The following CHD6 variants were observed in gnomAD, a reference collection of about 807,000 sequenced individuals.
CHD6 encodes ATP-dependent chromatin remodeler CHD6.
CHD6 carries 50 observed loss-of-function variants against 276.9 expected under a neutral mutation model. That is an observed-to-expected ratio of 0.18 (90% CI 0.14 to 0.23). CHD6 has a LOEUF of 0.23. Among genes scored for constraint, CHD6 ranks in the 10% least tolerant of loss-of-function variants. The pLI, the probability that CHD6 is intolerant of heterozygous loss-of-function variation, is 1.00. For synonymous variants in CHD6, 1,173 were observed against 1,229.3 expected (o/e 0.95, Z 0.96); for missense variants, 2,564 against 3,365.8 (o/e 0.76, Z 5.89).
At chr20:41,614,168 A>T (rs2045914566) in intron 1 of CHD6, among the ~76,000 whole-genome samples, 1 of 152,176 alleles carries the variant, frequency 6.6e-6, no homozygotes, top group Admixed American at 6.5e-5. Context: ...ATAAAGGGGT[A>T]AAAAAATGGA....
chr20:41,529,715 A>G (rs569865290), intron 3 of CHD6, among the ~76,000 whole-genome samples: 6 of 152,214 alleles, frequency 3.9e-5, no homozygotes, highest in African/African-American at 9.6e-5. Context: ...GGCCAGGTAT[A>G]GCGCCAGAGA....
At chr20:41,498,098 A>G (rs772690364) in intron 7 of CHD6, 70 bp downstream of exon 7, 2 of 1,055,218 alleles carry the variant, frequency 1.9e-6, no homozygotes, top group Middle Eastern at 2.1e-4. Flanking sequence ...AGAAGATAAT[A>G]AAGTCACAAG....
At chr20:41,499,481 T>G in intron 5 of CHD6, 124 bp from the exon 6 acceptor site, 1 of 709,094 alleles carries the variant, frequency 1.4e-6, no homozygotes, top group Non-Finnish European at 2.3e-6. Context: ...TACCAAGGCC[T>G]CCCATCAGGC....
Position 41,421,759 on chromosome 20 carries a change from G to A in CHD6, c.4876C>T (p.Pro1626Ser), listed in dbSNP as rs530138617. 444 of 1,614,168 alleles carry A rather than the reference G, an allele frequency of 2.8e-4. 9 individuals carry two copies. In the South Asian group the frequency reaches 4.7e-3, roughly 17 times the overall value. Residue 1626 changes from proline (P) to serine (S), a missense_variant, in exon 31 of 37, where the codon CCA becomes TCA. Pro to Ser is a moderately conservative substitution (Grantham distance 74). Transcript: ENST00000373233. ...TGGTAAAGGCAACAGAGATTTCCTG[G>A]TGCCTGGGTGCCAGATCTTTTATGC... ...AQHKRSGTQAPGNLCCLYQTN... is the reference protein window; with the variant it reads ...AQHKRSGTQASGNLCCLYQTN...
At chr20:41,461,474 G>A (rs1027942756) in intron 17 of CHD6, among the ~76,000 whole-genome samples, 4 of 152,154 alleles carry the variant, frequency 2.6e-5, no homozygotes, top group Admixed American at 1.3e-4. Context: ...CAATTCTCAC[G>A]ATAGTTAATG....
chr20:41,542,252 T>G (rs1424439844), intron 2 of CHD6, among the ~76,000 whole-genome samples: 3 of 152,182 alleles, frequency 2.0e-5, no homozygotes, highest in Non-Finnish European at 4.4e-5. Context: ...GTGGGGTGAA[T>G]AAGACTATTT....
intron 2 of CHD6, among the ~76,000 whole-genome samples, chr20:41,543,514 T>C (rs1349144182): frequency 6.6e-6 from 1 of 152,226 alleles, no homozygotes; most frequent in Non-Finnish European, 1.5e-5. Context: ...TTTCCTCTTC[T>C]ATCCATTTCT....
At chr20:41,493,237 A>G (rs2043598874) in intron 10 of CHD6, among the ~76,000 whole-genome samples, 1 of 152,176 alleles carries the variant, frequency 6.6e-6, no homozygotes, top group Non-Finnish European at 1.5e-5. Context: ...CACACCAGCC[A>G]TTACTTACAA....
intron 1 of CHD6, among the ~76,000 whole-genome samples, chr20:41,616,399 C>T (rs1043407858): frequency 3.9e-5 from 6 of 152,210 alleles, no homozygotes; most frequent in Admixed American, 6.5e-5. Flanking sequence ...TGATACCACA[C>T]TGAAGCACAA....
chr20:41,552,842 G>A (rs920563762), intron 1 of CHD6, among the ~76,000 whole-genome samples: 5 of 152,114 alleles, frequency 3.3e-5, no homozygotes, highest in Non-Finnish European at 4.4e-5. Flanking sequence ...AGGCATGATC[G>A]GGTGCTAAGG....
rs745440946 is a variant in CHD6, at chr20:41,498,157, A to T, written c.974+11T>A. On this transcript the variant is annotated intron_variant, in intron 7 of 36. Coordinates refer to ENST00000373233, the MANE Select transcript of CHD6 (RefSeq NM_032221.5). ...AAACCCAAATACAGAGAATACTTTAAATAGACGTACAAATTTCTATACTTA... is the reference window on the plus strand; with the variant it reads ...AAACCCAAATACAGAGAATACTTTATATAGACGTACAAATTTCTATACTTA... 7 of 1,592,828 alleles carry T rather than the reference A, an allele frequency of 4.4e-6. No individual in the cohort carries two copies. Among genetic ancestry groups the T allele is most frequent in the Non-Finnish European group, 6.0e-6 (7 of 1,164,196 alleles).
Position 41,538,965 on chromosome 20 carries a change from C to A in CHD6, c.34-5395G>T, listed in dbSNP as rs544688975. On this transcript the variant is annotated intron_variant, in intron 2 of 36. Coordinates refer to ENST00000373233, the MANE Select transcript of CHD6 (RefSeq NM_032221.5). ...CCCACCTATGGGACAGCCACAGAGCCTACCTACGTGTCTTGCTCCACTGAC... is the reference window on the plus strand; with the variant it reads ...CCCACCTATGGGACAGCCACAGAGCATACCTACGTGTCTTGCTCCACTGAC... Among the ~76,000 whole-genome samples the A allele has an allele frequency of 2.6e-5, 4 of 152,270 alleles. No homozygotes were observed. The East Asian group carries it at 7.7e-4, about 29-fold the overall frequency.
intron 1 of CHD6, among the ~76,000 whole-genome samples, chr20:41,556,134 CGCAGGCACTCG>C (rs1319053269): frequency 1.3e-5 from 2 of 152,100 alleles, no homozygotes; most frequent in Non-Finnish European, 2.9e-5. Context: ...CACCTGCAAT[CGCAGGCACTCG>C]GCAGGCTGAG....
chr20:41,580,655 A>C (rs2045527384), intron 1 of CHD6, among the ~76,000 whole-genome samples: 1 of 151,496 alleles, frequency 6.6e-6, no homozygotes, highest in Non-Finnish European at 1.5e-5. Context: ...CAAAAAAAAA[A>C]AAAAAAAGGA....
chr20:41,424,591 C>T (rs926184038), intron 29 of CHD6, among the ~76,000 whole-genome samples: 8 of 152,154 alleles, frequency 5.3e-5, no homozygotes, highest in African/African-American at 1.9e-4. Context: ...TCTTTTAATT[C>T]ATGGGGTGTT....
At chr20:41,426,433 T>C (rs953918227) in intron 27 of CHD6, among the ~76,000 whole-genome samples, 3 of 152,188 alleles carry the variant, frequency 2.0e-5, no homozygotes, top group Admixed American at 2.0e-4. Flanking sequence ...ACTGGCACGC[T>C]CTCTCTGGCA....
At chr20:41,451,774 G>A in intron 22 of CHD6, 52 bp downstream of exon 22, 1 of 1,498,250 alleles carries the variant, frequency 6.7e-7, no homozygotes. Flanking sequence ...AGGAAGAGGG[G>A]ATGAAGTGCA....
chr20:41,524,447 G>A (rs1290314139), intron 3 of CHD6, among the ~76,000 whole-genome samples: 1 of 152,032 alleles, frequency 6.6e-6, no homozygotes, highest in African/African-American at 2.4e-5. Flanking sequence ...TAGTAAAAAG[G>A]AAACAAAAAG....
At chr20:41,586,333 G>A (rs576074255) in intron 1 of CHD6, among the ~76,000 whole-genome samples, 2 of 152,322 alleles carry the variant, frequency 1.3e-5, no homozygotes, top group African/African-American at 4.8e-5. Context: ...CTGATCCAGC[G>A]AGGTGCCCAT....
Sources: gnomAD v4.1 joint callset for allele counts (sites outside exome capture counted in the v4.1 genomes callset) on GRCh38, gnomAD v4.1.1 for gene constraint, MANE v1.5 for transcripts, NCBI Gene and HGNC (gene_info 2026-07-23, HGNC 2026-07-21) for gene names.